The following BUB1 variants were observed in gnomAD, a reference collection of about 807,000 sequenced individuals.
BUB1 encodes BUB1 mitotic checkpoint serine/threonine kinase, also known as mitotic checkpoint serine/threonine-protein kinase BUB1.
A neutral mutation model predicts 135.2 loss-of-function variants in BUB1; 84 were observed. The ratio of observed to expected loss-of-function variants is 0.62; its 90% CI spans 0.52 to 0.74. The LOEUF is 0.74. BUB1 is among the 30% of genes least tolerant of loss of function. The pLI, the probability that BUB1 is intolerant of heterozygous loss-of-function variation, is 0.00. For synonymous variants in BUB1, 403 were observed against 434.4 expected (o/e 0.93, Z 0.90); for missense variants, 1,162 against 1,288.3 (o/e 0.90, Z 1.50).
chr2:110,667,034 AAAAG>A (rs1690277604), intron 8 of BUB1, among the ~76,000 whole-genome samples: 1 of 152,256 alleles, frequency 6.6e-6, no homozygotes, highest in Non-Finnish European at 1.5e-5. Context: ...TAATGAACAG[AAAAG>A]AAAGGCCCAG....
chr2:110,646,138 G>A (rs1443757398), intron 19 of BUB1, among the ~76,000 whole-genome samples: 1 of 146,328 alleles, frequency 6.8e-6, no homozygotes. Context: ...TCGAGACCTG[G>A]GCAACATAGC....
At chr2:110,643,395 T>C (rs558314829) in intron 19 of BUB1, among the ~76,000 whole-genome samples, 5 of 152,250 alleles carry the variant, frequency 3.3e-5, no homozygotes, top group Admixed American at 6.5e-5. Flanking sequence ...CATAGGGCAA[T>C]TATAGCCTCT....
At chr2:110,663,471 A>C (rs1326409176) in intron 9 of BUB1, among the ~76,000 whole-genome samples, 2 of 152,210 alleles carry the variant, frequency 1.3e-5, no homozygotes, top group Admixed American at 6.5e-5. Context: ...CAGGCAATCT[A>C]CTTGGAAAAT....
At chr2:110,641,854 G>T (rs753345713) in intron 20 of BUB1, 51 bp from the exon 21 acceptor site, 2 of 1,567,428 alleles carry the variant, frequency 1.3e-6, no homozygotes, top group Non-Finnish European at 1.7e-6. Flanking sequence ...TCTGAAAAAT[G>T]ATAGCAATAA....
intron 18 of BUB1, among the ~76,000 whole-genome samples, chr2:110,649,669 C>T (rs1689730227): frequency 6.6e-6 from 1 of 152,158 alleles, no homozygotes. Context: ...CGGCTAGATT[C>T]TATCTTTAAC....
At position 110,641,730 on chromosome 2, in the gene BUB1, T is replaced by C. The variant is rs145104409; in HGVS notation, c.2537A>G (p.Gln846Arg). 30 of 1,612,438 alleles carry C rather than the reference T, an allele frequency of 1.9e-5. No individual in the cohort carries two copies. In the African/African-American group the frequency reaches 4.0e-4, roughly 22 times the overall value. ...AGAATAGAACTTCATAAACATGTGC[T>C]GCATAGATGGCTTTAGTCTTTCCAT... ...QLMERLKPSMQHMFMKFYSAH... is the reference protein window; with the variant it reads ...QLMERLKPSMRHMFMKFYSAH... The change falls in exon 21 of 25, where the codon CAG (glutamine) becomes CGG (arginine). Residue 846 changes from glutamine (Q) to arginine (R), a missense_variant. Physicochemically the swap from Gln to Arg is conservative, Grantham distance 43. Transcript: ENST00000302759.
At chr2:110,650,380 T>C (rs757918742) in intron 18 of BUB1, among the ~76,000 whole-genome samples, 166 bp downstream of exon 18, 5 of 152,238 alleles carry the variant, frequency 3.3e-5, no homozygotes, top group Non-Finnish European at 7.3e-5. Context: ...CCTTCAAGTA[T>C]GCTACTGTTA....
Position 110,669,569 on chromosome 2 carries a change from G to A in BUB1, c.467-16C>T. On this transcript the variant is annotated splice_polypyrimidine_tract_variant and intron_variant, in intron 5 of 24. Transcript: ENST00000302759. Reference sequence around the variant, plus strand: ...GAGGTTCTAGCTATGAGGGAAAAGAGGATAAAATACGGAGAAATTAAGGGT... The same window carrying A: ...GAGGTTCTAGCTATGAGGGAAAAGAAGATAAAATACGGAGAAATTAAGGGT... 1 of 1,516,542 alleles carries A rather than the reference G, an allele frequency of 6.6e-7. No individual in the cohort carries two copies. Among genetic ancestry groups the A allele is most frequent in the Non-Finnish European group, 9.1e-7 (1 of 1,094,040 alleles). The allele number at this position is 1,516,542 out of a possible 1,614,324, so 93.9% of individuals were successfully genotyped here.
At chr2:110,675,412 A>C (rs1470409446) in intron 1 of BUB1, 3 of 152,244 alleles carry the variant, frequency 2.0e-5, no homozygotes, top group African/African-American at 7.2e-5. Context: ...CTGAGGGGGA[A>C]ATGGTCAAGG....
At chr2:110,639,895 A>G in intron 23 of BUB1, 47 bp from the exon 24 acceptor site, 1 of 1,432,338 alleles carries the variant, frequency 7.0e-7, no homozygotes, top group East Asian at 2.3e-5. Context: ...TAATTTACAC[A>G]TGACTATATC....
chr2:110,668,622 T>A (rs192447385), intron 6 of BUB1, among the ~76,000 whole-genome samples: 38 of 152,184 alleles, frequency 2.5e-4, no homozygotes, highest in Admixed American at 3.9e-4. Context: ...TTGGGAAACA[T>A]GAGGCTGAGG....
chr2:110,646,266 T>A (rs1689644144), intron 19 of BUB1, among the ~76,000 whole-genome samples: 1 of 151,348 alleles, frequency 6.6e-6, no homozygotes, highest in Non-Finnish European at 1.5e-5. Context: ...AATCCAGGAT[T>A]TTGAGGTTGC....
At position 110,649,391 on chromosome 2, in the gene BUB1, G is replaced by GAAAA; in HGVS notation, c.2204-18_2204-15dup. The GAAAA allele has an allele frequency of 1.3e-5, 15 of 1,127,574 alleles. No homozygotes were observed. The highest frequency in any genetic ancestry group is 9.0e-5 in the East Asian group (3 of 33,372). The allele number at this position is 1,127,574 out of a possible 1,614,324, so 69.8% of individuals were successfully genotyped here. On this transcript the variant is annotated splice_polypyrimidine_tract_variant and intron_variant, in intron 18 of 24. Coordinates refer to ENST00000302759, the MANE Select transcript of BUB1 (RefSeq NM_004336.5). Reference sequence around the variant, plus strand: ...CAACAATGAAGTCTTAAAGGAATGAGAAAAAAAAAAAAAAAGGGAACATGA... The same window carrying GAAAA: ...CAACAATGAAGTCTTAAAGGAATGAGAAAAAAAAAAAAAAAAAAAGGGAACATGA...
At position 110,666,260 on chromosome 2, in the gene BUB1, T is replaced by C; in HGVS notation, c.957+3A>G. The stretch of plus-strand genomic sequence containing the variant: ...AGGATGTGTCATGAGGAGCACAACA[T>C]ACCTCGGACCTTTCCTGGGAAGCGG... On this transcript the variant is annotated splice_donor_region_variant and intron_variant, in intron 9 of 24. Transcript: ENST00000302759. The C allele has an allele frequency of 7.2e-7, 1 of 1,393,940 alleles. No individual in the cohort carries two copies. Among genetic ancestry groups the C allele is most frequent in the Non-Finnish European group, 9.4e-7 (1 of 1,065,046 alleles). The allele number at this position is 1,393,940 out of a possible 1,614,324, so 86.3% of individuals were successfully genotyped here.
chr2:110,641,616 T>G (rs1289625488), intron 21 of BUB1, 26 bp downstream of exon 21: 1 of 1,603,264 alleles, frequency 6.2e-7, no homozygotes, highest in Non-Finnish European at 8.5e-7. Flanking sequence ...TAAATTCATG[T>G]GCTCATCATA....
chr2:110,670,698 G>C, intron 4 of BUB1, 130 bp from the exon 5 acceptor site: 1 of 844,354 alleles, frequency 1.2e-6, no homozygotes, highest in Non-Finnish European at 1.8e-6. Context: ...AGAATGTACA[G>C]TTGCATTTTA....
intron 4 of BUB1, among the ~76,000 whole-genome samples, 195 bp from the exon 5 acceptor site, chr2:110,670,763 A>G (rs374147177): frequency 1.3e-5 from 2 of 152,202 alleles, no homozygotes; most frequent in Admixed American, 1.3e-4. Flanking sequence ...TATCCAATAC[A>G]TTATCTGTAT....
chr2:110,652,768 A>G (rs1417148057), intron 17 of BUB1, among the ~76,000 whole-genome samples: 3 of 152,356 alleles, frequency 2.0e-5, no homozygotes, highest in Non-Finnish European at 4.4e-5. Flanking sequence ...GCAATTTCAT[A>G]CACTGCTATT....
At chr2:110,643,022 A>C (rs112958320) in intron 19 of BUB1, among the ~76,000 whole-genome samples, 1 of 152,212 alleles carries the variant, frequency 6.6e-6, no homozygotes, top group Non-Finnish European at 1.5e-5. Flanking sequence ...TTAAATTAAA[A>C]ACAAGAATTC....
Sources: gnomAD v4.1 joint callset for allele counts (sites outside exome capture counted in the v4.1 genomes callset) on GRCh38, gnomAD v4.1.1 for gene constraint, MANE v1.5 for transcripts, NCBI Gene and HGNC (gene_info 2026-07-23, HGNC 2026-07-21) for gene names.